The following RRAS2 variants were observed in gnomAD, a reference collection of about 807,000 sequenced individuals.
RRAS2 encodes the protein ras-related protein R-Ras2.
Under a neutral mutation model 27.6 loss-of-function variants are expected in RRAS2, and 7 were observed. That is an observed-to-expected ratio of 0.25 (90% confidence interval 0.14 to 0.48). The LOEUF is 0.48. Among genes scored for constraint, RRAS2 ranks in the 20% least tolerant of loss-of-function variants. The pLI is 0.99. For missense variants in RRAS2, 178 were observed against 256.2 expected (o/e 0.69, Z 2.08); for synonymous variants, 86 against 90.9 (o/e 0.95, Z 0.31).
chr11:14,324,183 A>T (rs1288250178), intron 1 of RRAS2, among the ~76,000 whole-genome samples: 4 of 152,038 alleles, frequency 2.6e-5, no homozygotes, highest in Non-Finnish European at 5.9e-5. Context: ...TATACATAAT[A>T]ATTATTGGAA....
rs1847839620 is a variant in RRAS2, at chr11:14,306,767, C to A, written c.109-10912G>T. Among the ~76,000 whole-genome samples the A allele has an allele frequency of 2.0e-5, 3 of 152,068 alleles. No individual in the cohort carries two copies. In the South Asian group the frequency reaches 6.2e-4, roughly 32 times the overall value. On this transcript the variant is annotated intron_variant, in intron 1 of 5. Transcript: ENST00000256196. Reference sequence around the variant, plus strand: ...TCCCTACCCTGAGCTTTTCCTATCACACTGAGCTTCAGCCTATACCATGCC... The same window carrying A: ...TCCCTACCCTGAGCTTTTCCTATCAAACTGAGCTTCAGCCTATACCATGCC...
chr11:14,334,571 G>A (rs1554952346), intron 1 of RRAS2, among the ~76,000 whole-genome samples: 1 of 151,214 alleles, frequency 6.6e-6, no homozygotes, highest in Non-Finnish European at 1.5e-5. Context: ...TAATGGATTA[G>A]TCTGTCTCCT....
At chr11:14,344,299 T>A (rs1014471684) in intron 1 of RRAS2, among the ~76,000 whole-genome samples, 7 of 152,300 alleles carry the variant, frequency 4.6e-5, no homozygotes, top group Admixed American at 2.6e-4. Flanking sequence ...AGACTTAACT[T>A]TTGTTTCACA....
At chr11:14,343,091 C>A (rs778517166) in intron 1 of RRAS2, among the ~76,000 whole-genome samples, 31 of 152,270 alleles carry the variant, frequency 2.0e-4, no homozygotes, top group Non-Finnish European at 3.4e-4. Context: ...CAGCTGTGCA[C>A]CATGTACTGT....
chr11:14,359,540 G>C (rs1234592663), upstream of RRAS2, among the ~76,000 whole-genome samples: 2 of 152,240 alleles, frequency 1.3e-5, no homozygotes, highest in African/African-American at 4.8e-5. Flanking sequence ...CCATATTTGT[G>C]TGAAAAACAG....
intron 1 of RRAS2, among the ~76,000 whole-genome samples, chr11:14,346,573 T>C (rs1350808406): frequency 1.3e-5 from 2 of 152,232 alleles, no homozygotes; most frequent in Non-Finnish European, 2.9e-5. Context: ...TCATTTATCA[T>C]GCAAAAGTAA....
chr11:14,335,941 C>A lies in RRAS2; in HGVS notation c.108+22822G>T, dbSNP rs545171013. On this transcript the variant is annotated intron_variant, in intron 1 of 5. Transcript: ENST00000256196. ...TAGATGACAGCTGCTCTACTCCCAA[C>A]AGACACCAAAGAAAAAACCTCTGCC... Among the ~76,000 whole-genome samples, 20 of 152,316 alleles carry A rather than the reference C, an allele frequency of 1.3e-4. No homozygotes were observed. In the East Asian group the frequency reaches 3.5e-3, roughly 26 times the overall value.
In RRAS2 at chr11:14,358,125, T is replaced by A. The variant is rs1564987082; in HGVS notation, c.108+638A>T. The stretch of plus-strand genomic sequence containing the variant: ...ATTCCTAGGAAATGGTCTCACCCCA[T>A]CAGAGAACATTTTTAACTTCCTAGA... On this transcript the variant is annotated intron_variant, in intron 1 of 5. Coordinates refer to ENST00000256196, the MANE Select transcript of RRAS2 (RefSeq NM_012250.6). This position sits in a 1 kb window ranked among gnomAD's most constrained non-coding sequence, Gnocchi z 5.1. The A allele has an allele frequency of 1.4e-6, 1 of 702,030 alleles. No homozygotes were observed. The highest frequency in any genetic ancestry group is 1.8e-6 in the Non-Finnish European group (1 of 571,112). The allele number at this position is 702,030 out of a possible 1,614,324, so 43.5% of individuals were successfully genotyped here. A position where few individuals can be genotyped will look rare whatever the true frequency, so the allele number is the denominator to read the frequency against.
intron 1 of RRAS2, chr11:14,354,407 G>T (rs1452442282): frequency 6.6e-6 from 1 of 152,034 alleles, no homozygotes; most frequent in Non-Finnish European, 1.5e-5. Context: ...AAAATTAAAT[G>T]CTTACCTCAT....
intron 1 of RRAS2, among the ~76,000 whole-genome samples, chr11:14,347,652 G>A (rs934381724): frequency 7.9e-5 from 12 of 151,706 alleles, no homozygotes; most frequent in East Asian, 1.9e-4. Flanking sequence ...AGACCTCGTC[G>A]CTACAAAAAA....
intron 1 of RRAS2, among the ~76,000 whole-genome samples, chr11:14,322,551 TTCCTA>T (rs1848249898): frequency 6.6e-6 from 1 of 152,242 alleles, no homozygotes; most frequent in South Asian, 2.1e-4. Flanking sequence ...AATTTCTTTC[TTCCTA>T]TATTTCCCAC....
chr11:14,362,451 A>G (rs1190000592), upstream of RRAS2, among the ~76,000 whole-genome samples: 3 of 146,236 alleles, frequency 2.1e-5, no homozygotes, highest in Non-Finnish European at 4.4e-5. Flanking sequence ...CTTAGAAAAT[A>G]CCCCCAAAAG....
chr11:14,301,215 T>C (rs534331920), intron 1 of RRAS2, among the ~76,000 whole-genome samples: 5 of 152,324 alleles, frequency 3.3e-5, no homozygotes, highest in African/African-American at 1.2e-4. Context: ...GTGTATATGG[T>C]TGTAGGTTCT....
chr11:14,292,312 T>C (rs1554945886), intron 4 of RRAS2, among the ~76,000 whole-genome samples: 2 of 152,214 alleles, frequency 1.3e-5, no homozygotes, highest in African/African-American at 4.8e-5. Context: ...GTCTCCTACC[T>C]ATTCCTTTAC....
chr11:14,280,825 A>G (rs192328137), intron 5 of RRAS2, among the ~76,000 whole-genome samples: 1 of 151,432 alleles, frequency 6.6e-6, no homozygotes, highest in Admixed American at 6.6e-5. Context: ...AGAGCAGAGT[A>G]TGAAACAGGG....
chr11:14,325,310 A>ATTTT (rs35405878), intron 1 of RRAS2, among the ~76,000 whole-genome samples: 1 of 124,782 alleles, frequency 8.0e-6, no homozygotes, highest in Non-Finnish European at 1.7e-5. Flanking sequence ...TCCTTTTAGT[A>ATTTT]TTTTTTTTTT....
intron 4 of RRAS2, among the ~76,000 whole-genome samples, chr11:14,291,385 A>G (rs1236870038): frequency 6.6e-5 from 10 of 152,318 alleles, no homozygotes; most frequent in Non-Finnish European, 1.2e-4. Context: ...AAGAAAAAGC[A>G]TAAGGAGGAA....
intron 1 of RRAS2, among the ~76,000 whole-genome samples, chr11:14,298,705 G>A (rs1458621795): frequency 1.3e-5 from 2 of 152,036 alleles, no homozygotes; most frequent in African/African-American, 2.4e-5. Flanking sequence ...CTGGCTACAC[G>A]TAAATTGTAA....
chr11:14,339,225 T>C (rs1591482615), intron 1 of RRAS2, among the ~76,000 whole-genome samples: 1 of 128,878 alleles, frequency 7.8e-6, no homozygotes, highest in East Asian at 2.4e-4. Context: ...AAAAATCACT[T>C]GAGGCCAGTT....
Sources: gnomAD v4.1 joint callset for allele counts (sites outside exome capture counted in the v4.1 genomes callset) on GRCh38, gnomAD v4.1.1 for gene constraint, Gnocchi (gnomAD v3.1) non-coding constraint, MANE v1.5 for transcripts, NCBI Gene and HGNC (gene_info 2026-07-23, HGNC 2026-07-21) for gene names.